Variants in PTPRG observed in about 807,000 individuals in gnomAD.
The protein encoded by PTPRG is receptor-type tyrosine-protein phosphatase gamma.
Under a neutral mutation model 165.3 loss-of-function variants are expected in PTPRG, and 102 were observed. The ratio of observed to expected loss-of-function variants is 0.62; its 90% confidence interval spans 0.53 to 0.73. PTPRG has a LOEUF of 0.73. Ranked by LOEUF, PTPRG falls within the 30% of genes least tolerant of loss-of-function variation. The pLI is 0.00. For synonymous variants in PTPRG, 675 were observed against 669.5 expected (o/e 1.01, Z -0.13); for missense variants, 1,866 against 1,861.4 (o/e 1.00, Z -0.05).
At chr3:61,609,309 C>T (rs775635668) in intron 1 of PTPRG, among the ~76,000 whole-genome samples, 4 of 152,140 alleles carry the variant, frequency 2.6e-5, no homozygotes, top group Admixed American at 6.5e-5. Context: ...TCCATTTCTA[C>T]GTATCATCTT....
At chr3:61,647,942 C>T (rs998090681) in intron 1 of PTPRG, among the ~76,000 whole-genome samples, 4 of 152,124 alleles carry the variant, frequency 2.6e-5, no homozygotes, top group Admixed American at 6.6e-5. Context: ...CTGTGAGGCC[C>T]GTTATGGCTT....
At chr3:61,733,310 G>T (rs2032589566) in intron 1 of PTPRG, among the ~76,000 whole-genome samples, 1 of 152,114 alleles carries the variant, frequency 6.6e-6, no homozygotes, top group African/African-American at 2.4e-5. Context: ...CTTAATTAGG[G>T]GGTCCCAGTG....
intron 5 of PTPRG, among the ~76,000 whole-genome samples, chr3:62,103,218 G>A (rs530072206): frequency 7.6e-6 from 1 of 131,994 alleles, no homozygotes; most frequent in Admixed American, 7.4e-5. Context: ...TCTGTGGCAT[G>A]CTTGGACTCA....
chr3:62,009,509 C>T (rs768501821), intron 4 of PTPRG, among the ~76,000 whole-genome samples: 5 of 152,188 alleles, frequency 3.3e-5, no homozygotes, highest in Non-Finnish European at 5.9e-5. Context: ...CTCCTGTCTG[C>T]TCAAATCCTG....
At position 62,273,758 on chromosome 3, in the gene PTPRG, G is replaced by C. The variant is rs373896623; in HGVS notation, c.3379G>C (p.Val1127Leu). The C allele has an allele frequency of 7.4e-6, 12 of 1,613,680 alleles. No individual in the cohort carries two copies. The African/African-American group carries it at 1.5e-4, about 20-fold the overall frequency. The change falls in exon 23 of 30, where the codon GTA (valine) becomes CTA (leucine). Residue 1127 changes from valine (V) to leucine (L), a missense_variant. Val to Leu is a conservative substitution (Grantham distance 32). Coordinates refer to ENST00000474889, the MANE Select transcript of PTPRG (RefSeq NM_002841.4). The surrounding 1 kb of genome is among the most constrained non-coding windows in gnomAD (Gnocchi z 4.1). ...LEAILGKETE[V>L]SSNQLHSYVN... ...AGCCATTCTTGGAAAGGAGACTGAA[G>C]TATCTTCAAATCAGCTGCACAGCTA... is the stretch of plus-strand genomic sequence containing the variant.
At chr3:62,207,766 G>T (rs1700264920) in intron 12 of PTPRG, among the ~76,000 whole-genome samples, 2 of 152,124 alleles carry the variant, frequency 1.3e-5, no homozygotes, top group Admixed American at 1.3e-4. Context: ...CAGGGAAGAA[G>T]AAGAAGGGAA....
intron 6 of PTPRG, among the ~76,000 whole-genome samples, chr3:62,150,732 G>T (rs142151544): frequency 0.012 from 1,758 of 152,276 alleles, 15 homozygotes; most frequent in Middle Eastern, 0.037. Flanking sequence ...AAAAACAGAA[G>T]CTTGGGCTTT....
At chr3:61,941,824 C>A (rs920275586) in intron 2 of PTPRG, among the ~76,000 whole-genome samples, 1 of 151,908 alleles carries the variant, frequency 6.6e-6, no homozygotes, top group Non-Finnish European at 1.5e-5. Context: ...ATTTGATTTG[C>A]TAACCAGCAT....
At chr3:61,707,263 A>G (rs2031311120) in intron 1 of PTPRG, among the ~76,000 whole-genome samples, 1 of 152,222 alleles carries the variant, frequency 6.6e-6, no homozygotes, top group Admixed American at 6.5e-5. Context: ...TAGTATTTGT[A>G]TTCATCAGTG....
intron 4 of PTPRG, among the ~76,000 whole-genome samples, chr3:62,008,796 G>C (rs2041354020): frequency 6.6e-6 from 1 of 152,186 alleles, no homozygotes; most frequent in African/African-American, 2.4e-5. Context: ...GTTCACAATA[G>C]GGTTTGTGCT....
intron 1 of PTPRG, among the ~76,000 whole-genome samples, chr3:61,618,836 T>C (rs868123451): frequency 1.3e-5 from 2 of 151,968 alleles, no homozygotes; most frequent in African/African-American, 2.4e-5. Flanking sequence ...CATCACACTT[T>C]TAGTGATCAT....
At chr3:61,616,232 G>A (rs149988357) in intron 1 of PTPRG, among the ~76,000 whole-genome samples, 2,465 of 152,222 alleles carry the variant, frequency 0.016, 64 homozygotes, top group African/African-American at 0.056. Context: ...GATTACAGGC[G>A]CGAGCCACCA....
chr3:62,083,428 G>A (rs935473482), intron 5 of PTPRG, among the ~76,000 whole-genome samples: 6 of 152,038 alleles, frequency 3.9e-5, no homozygotes, highest in African/African-American at 1.2e-4. Context: ...GGCAAAAACC[G>A]CAATTACTTT....
intron 2 of PTPRG, among the ~76,000 whole-genome samples, chr3:61,799,421 A>G (rs2035166279): frequency 6.6e-6 from 1 of 152,156 alleles, no homozygotes; most frequent in Admixed American, 6.5e-5. Flanking sequence ...CCAAGATCCC[A>G]TACAGGATGC....
rs543374959 is a variant in PTPRG at position 61,731,349 on chromosome 3, C to CTTT, written c.86-17513_86-17511dup. The stretch of plus-strand genomic sequence containing the variant: ...ACACAGAAGCTCACTTTCCTTTTTC[C>CTTT]TTTTTTTTTTTTTTTTTTGAGACGG... On this transcript the variant is annotated intron_variant, in intron 1 of 29. Coordinates refer to ENST00000474889, the MANE Select transcript of PTPRG (RefSeq NM_002841.4). 6.0e-4 allele frequency among the ~76,000 whole-genome samples: 79 copies of CTTT among 132,180 alleles called. 1 individual carries two copies. The highest frequency in any genetic ancestry group is 1.3e-3 in the South Asian group (5 of 3,998). 86.7% of individuals were successfully genotyped at this position (132,180 alleles called of 152,430 possible). A position where few individuals can be genotyped will look rare whatever the true frequency, so the allele number is the denominator to read the frequency against.
In PTPRG at chr3:62,224,136, C is replaced by T. The variant is rs1185291402; in HGVS notation, c.2288+5153C>T. ...AAGTCAATTCCAGAGGAGGACATCCCTAAATAACTGGGTTAAAGACATGAC... is the reference window on the plus strand; with the variant it reads ...AAGTCAATTCCAGAGGAGGACATCCTTAAATAACTGGGTTAAAGACATGAC... On this transcript the variant is annotated intron_variant, in intron 13 of 29. Transcript: ENST00000474889. This position sits in a 1 kb window ranked among gnomAD's most constrained non-coding sequence, Gnocchi z 4.9. Among the ~76,000 whole-genome samples, 1 of 152,050 alleles carries T rather than the reference C, an allele frequency of 6.6e-6. No individual in the cohort carries two copies. Among genetic ancestry groups the T allele is most frequent in the Non-Finnish European group, 1.5e-5 (1 of 68,018 alleles).
chr3:62,014,397 A>G (rs1260841717), intron 4 of PTPRG, among the ~76,000 whole-genome samples: 2 of 152,208 alleles, frequency 1.3e-5, no homozygotes, highest in Non-Finnish European at 2.9e-5. Flanking sequence ...TATAAATTTC[A>G]TCTCTTGAGT....
At position 61,989,659 on chromosome 3, in the gene PTPRG, T is replaced by C. The variant is rs1197924162; in HGVS notation, c.225T>C (p.Ser75=). The C allele has an allele frequency of 1.9e-6, 3 of 1,614,104 alleles. No homozygotes were observed. In the South Asian group the frequency reaches 3.3e-5, roughly 18 times the overall value. The change falls in exon 3 of 30, where the codon AGT becomes AGC. Residue 75 remains serine (S), a synonymous_variant. Transcript: ENST00000474889. ...AYGPEHWVTS[S]VSCGGRHQSP... The stretch of plus-strand genomic sequence containing the variant: ...GTCCTGAGCACTGGGTCACGTCTAG[T>C]GTCAGCTGTGGGGGCCGTCACCAGT...
At chr3:61,886,868 T>G (rs2038051519) in intron 2 of PTPRG, among the ~76,000 whole-genome samples, 1 of 151,776 alleles carries the variant, frequency 6.6e-6, no homozygotes, top group Admixed American at 6.6e-5. Flanking sequence ...CTCTGTATCC[T>G]GGAATTTTTC....
Sources: allele counts gnomAD v4.1 joint callset (sites outside exome capture counted in the v4.1 genomes callset), GRCh38; gene constraint gnomAD v4.1.1; non-coding constraint Gnocchi (gnomAD v3.1); transcripts MANE v1.5; gene names NCBI Gene and HGNC (gene_info 2026-07-23, HGNC 2026-07-21).